The following VAT1L variants were observed in gnomAD, a reference collection of about 807,000 sequenced individuals.
VAT1L encodes the protein putative NADPH-dependent quinone oxidoreductase VAT1L.
VAT1L carries 34 observed loss-of-function variants against 44.1 expected under a neutral mutation model. That is an observed-to-expected ratio of 0.77 (90% CI 0.59 to 1.03). VAT1L has a LOEUF of 1.03. Among genes scored for constraint, VAT1L ranks in the 50% least tolerant of loss-of-function variants. The probability of loss-of-function intolerance (pLI) is 0.00; values close to 1 mark genes in which losing one functional copy is unlikely to be tolerated. For synonymous variants in VAT1L, 253 were observed against 202.2 expected (o/e 1.25, Z -2.13); for missense variants, 615 against 538.8 (o/e 1.14, Z -1.40).
chr16:77,894,682 C>T (rs925753554), intron 7 of VAT1L, among the ~76,000 whole-genome samples: 1 of 152,110 alleles, frequency 6.6e-6, no homozygotes, highest in African/African-American at 2.4e-5. Flanking sequence ...TGGAATCATA[C>T]ATTTTAAGTG....
chr16:77,939,471 C>G (rs1398525643), intron 7 of VAT1L, among the ~76,000 whole-genome samples: 1 of 152,160 alleles, frequency 6.6e-6, no homozygotes, highest in African/African-American at 2.4e-5. Context: ...TCAGGGCTCC[C>G]TTTAGAGATC....
At chr16:77,947,391 C>G (rs1375936217) in intron 7 of VAT1L, among the ~76,000 whole-genome samples, 1 of 152,190 alleles carries the variant, frequency 6.6e-6, no homozygotes, top group Non-Finnish European at 1.5e-5. Context: ...TCGTAAAGAT[C>G]AAGTGGGTTT....
At chr16:77,864,959 T>C (rs1351306143) in intron 4 of VAT1L, among the ~76,000 whole-genome samples, 2 of 150,406 alleles carry the variant, frequency 1.3e-5, no homozygotes, top group East Asian at 2.0e-4. Context: ...CAGGTAATTC[T>C]TCTTATCCTT....
chr16:77,939,438 GA>G (rs1161738709), intron 7 of VAT1L, among the ~76,000 whole-genome samples: 1 of 152,182 alleles, frequency 6.6e-6, no homozygotes, highest in Non-Finnish European at 1.5e-5. Context: ...TGAGAACTGT[GA>G]TAACTCAGCA....
intron 7 of VAT1L, among the ~76,000 whole-genome samples, chr16:77,964,811 T>A (rs1468085615): frequency 2.9e-5 from 3 of 104,544 alleles, no homozygotes; most frequent in Admixed American, 1.0e-4. Flanking sequence ...TTTTTTTTTT[T>A]AGATGGAGTT....
At position 77,934,587 on chromosome 16, in the gene VAT1L, C is replaced by T. The variant is rs149439172; in HGVS notation, c.1078-37263C>T. ...TCTAGAACTATAACATAATAAACCC[C>T]TGTTGGTTTAAGCCACTAAGTCTGT... On this transcript the variant is annotated intron_variant, in intron 7 of 8. Transcript: ENST00000302536. Among the ~76,000 whole-genome samples the T allele has an allele frequency of 1.4e-3, 220 of 152,212 alleles. 1 individual carries two copies. The highest frequency in any genetic ancestry group is 5.0e-3 in the African/African-American group (208 of 41,524).
At chr16:77,801,453 A>C (rs1419209539) in intron 1 of VAT1L, 1 of 152,108 alleles carries the variant, frequency 6.6e-6, no homozygotes, top group Non-Finnish European at 1.5e-5. Flanking sequence ...TTGATCTGAA[A>C]CGGTTTCATC....
intron 3 of VAT1L, among the ~76,000 whole-genome samples, chr16:77,848,146 G>A (rs2016775023): frequency 1.3e-5 from 2 of 152,158 alleles, no homozygotes; most frequent in Admixed American, 6.5e-5. Context: ...TGCTTCCTAA[G>A]AGCAAAATTT....
At chr16:77,849,588 C>A (rs751878496) in intron 3 of VAT1L, among the ~76,000 whole-genome samples, 5 of 152,168 alleles carry the variant, frequency 3.3e-5, no homozygotes, top group Non-Finnish European at 5.9e-5. Context: ...GAAAGTTTGT[C>A]ATTGATAGGA....
intron 4 of VAT1L, among the ~76,000 whole-genome samples, chr16:77,874,337 C>G (rs1014560506): frequency 3.3e-5 from 5 of 151,932 alleles, no homozygotes; most frequent in Admixed American, 6.6e-5. Flanking sequence ...AAAACAGACC[C>G]GGGCAGAAGT....
At chr16:77,820,191 G>A (rs2016427466) in intron 2 of VAT1L, among the ~76,000 whole-genome samples, 1 of 152,110 alleles carries the variant, frequency 6.6e-6, no homozygotes, top group Non-Finnish European at 1.5e-5. Flanking sequence ...AGAGGATTGA[G>A]GTAGACTCCC....
chr16:77,907,503 C>T (rs1316956982), intron 7 of VAT1L, among the ~76,000 whole-genome samples: 1 of 152,162 alleles, frequency 6.6e-6, no homozygotes, highest in Non-Finnish European at 1.5e-5. Flanking sequence ...TGCCTTAGGT[C>T]CATTGCTGTA....
chr16:77,855,879 A>C (rs567213102), intron 3 of VAT1L, among the ~76,000 whole-genome samples: 113 of 152,280 alleles, frequency 7.4e-4, no homozygotes, highest in African/African-American at 2.7e-3. Flanking sequence ...TTAGCCGGGC[A>C]TGGTGGCGGG....
chr16:77,943,067 G>GT (rs1283825996), intron 7 of VAT1L, among the ~76,000 whole-genome samples: 2 of 146,890 alleles, frequency 1.4e-5, no homozygotes, highest in Non-Finnish European at 3.0e-5. Flanking sequence ...TTTTTTGTTT[G>GT]TTTTTTTGAG....
chr16:77,940,130 G>A (rs1410610043), intron 7 of VAT1L, among the ~76,000 whole-genome samples: 1 of 152,106 alleles, frequency 6.6e-6, no homozygotes, highest in Non-Finnish European at 1.5e-5. Context: ...GAAAGCTTTG[G>A]CCAGTGATAC....
chr16:77,844,583 A>G (rs2016740386), intron 3 of VAT1L, among the ~76,000 whole-genome samples: 1 of 151,820 alleles, frequency 6.6e-6, no homozygotes, highest in South Asian at 2.1e-4. Context: ...TACTTTTTGT[A>G]TTTTTATTAG....
intron 1 of VAT1L, among the ~76,000 whole-genome samples, chr16:77,802,705 C>T (rs895355347): frequency 2.2e-4 from 33 of 151,800 alleles, no homozygotes; most frequent in African/African-American, 8.0e-4. Context: ...GACAAAACTT[C>T]TCAAACATTT....
At chr16:77,857,572 G>T (rs1313340973) in intron 3 of VAT1L, among the ~76,000 whole-genome samples, 1 of 151,440 alleles carries the variant, frequency 6.6e-6, no homozygotes, top group African/African-American at 2.4e-5. Flanking sequence ...TAAAAGTATA[G>T]ATTATTATAT....
intron 7 of VAT1L, among the ~76,000 whole-genome samples, chr16:77,933,962 G>A (rs542039978): frequency 2.4e-4 from 36 of 152,296 alleles, no homozygotes; most frequent in Middle Eastern, 3.4e-3. Flanking sequence ...TGCTTTGGGC[G>A]ATGGAATGAC....
Sources: gnomAD v4.1 joint callset for allele counts (sites outside exome capture counted in the v4.1 genomes callset) on GRCh38, gnomAD v4.1.1 for gene constraint, MANE v1.5 for transcripts, NCBI Gene and HGNC (gene_info 2026-07-23, HGNC 2026-07-21) for gene names.